ROR2: variants seen among roughly 807,000 people sequenced by gnomAD.
ROR2 encodes the protein tyrosine-protein kinase transmembrane receptor ROR2.
ROR2 carries 33 observed loss-of-function variants against 74.9 expected under a neutral mutation model. The observed-to-expected ratio is 0.44, with a 90% CI of 0.33 to 0.59. ROR2 has a LOEUF of 0.59. Ranked by LOEUF, ROR2 falls within the 20% of genes least tolerant of loss-of-function variation. The probability of loss-of-function intolerance (pLI) is 0.02; values close to 1 mark genes in which losing one functional copy is unlikely to be tolerated. For synonymous variants in ROR2, 586 were observed against 558.7 expected (o/e 1.05, Z -0.69); for missense variants, 1,216 against 1,313.8 (o/e 0.93, Z 1.15).
intron 1 of ROR2, among the ~76,000 whole-genome samples, chr9:91,791,264 T>G (rs1351091609): frequency 6.6e-5 from 10 of 152,222 alleles, no homozygotes; most frequent in African/African-American, 2.4e-4. Context: ...AATACCACTG[T>G]GTTATAATTG....
intron 7 of ROR2, among the ~76,000 whole-genome samples, chr9:91,730,575 C>G (rs772908701): frequency 2.1e-4 from 32 of 152,140 alleles, no homozygotes; most frequent in Non-Finnish European, 3.7e-4. Flanking sequence ...ATTCTCCTGC[C>G]TCAGTCTCTT....
intron 1 of ROR2, among the ~76,000 whole-genome samples, chr9:91,939,995 C>A (rs1831805594): frequency 1.3e-5 from 2 of 152,214 alleles, no homozygotes; most frequent in African/African-American, 4.8e-5. Flanking sequence ...CCAAGAGAGA[C>A]TCAGTGCCAC....
At chr9:91,896,950 T>A (rs1830551932) in intron 1 of ROR2, among the ~76,000 whole-genome samples, 1 of 152,132 alleles carries the variant, frequency 6.6e-6, no homozygotes, top group African/African-American at 2.4e-5. Flanking sequence ...TCTCCCTAAG[T>A]CCTCTCTGCC....
At chr9:91,730,559 C>CA (rs1419017860) in intron 7 of ROR2, among the ~76,000 whole-genome samples, 1 of 152,130 alleles carries the variant, frequency 6.6e-6, no homozygotes, top group Non-Finnish European at 1.5e-5. Context: ...TTCCCAGGCT[C>CA]AAGTGATTCT....
chr9:91,933,954 G>C (rs576623744), intron 1 of ROR2, among the ~76,000 whole-genome samples: 1 of 152,256 alleles, frequency 6.6e-6, no homozygotes, highest in East Asian at 1.9e-4. Flanking sequence ...TGGATTAAAA[G>C]ACATTGAATT....
chr9:91,893,991 T>A (rs1047970317), intron 1 of ROR2, among the ~76,000 whole-genome samples: 6 of 152,236 alleles, frequency 3.9e-5, no homozygotes, highest in African/African-American at 7.2e-5. Context: ...GTGTTTTTTT[T>A]AGCATAAAAC....
At chr9:91,918,562 GAGAGGC>G (rs964583056) in intron 1 of ROR2, among the ~76,000 whole-genome samples, 21 of 152,328 alleles carry the variant, frequency 1.4e-4, no homozygotes, top group Admixed American at 3.3e-4. Flanking sequence ...CGGGCTTAAA[GAGAGGC>G]AGTCTCCTAT....
chr9:91,933,027 AGTG>A (rs1831590620), intron 1 of ROR2, among the ~76,000 whole-genome samples: 1 of 152,212 alleles, frequency 6.6e-6, no homozygotes, highest in Non-Finnish European at 1.5e-5. Flanking sequence ...GGCCAAGCAC[AGTG>A]GCCTATGATT....
intron 1 of ROR2, chr9:91,886,900 T>C (rs902470390): frequency 5.9e-5 from 9 of 152,184 alleles, no homozygotes; most frequent in Admixed American, 5.9e-4. Context: ...CCTAGGGATA[T>C]ATAAATACAG....
At chr9:91,740,154 G>A (rs1471840371) in intron 4 of ROR2, among the ~76,000 whole-genome samples, 1 of 152,144 alleles carries the variant, frequency 6.6e-6, no homozygotes. Flanking sequence ...GAGAGAGCAA[G>A]GGATGTAAGG....
intron 1 of ROR2, among the ~76,000 whole-genome samples, chr9:91,834,067 G>C (rs1828545449): frequency 1.3e-5 from 2 of 152,178 alleles, no homozygotes; most frequent in African/African-American, 4.8e-5. Flanking sequence ...TTTTGTTCCA[G>C]CTGACAAATG....
At chr9:91,742,006 T>C (rs901569855) in intron 4 of ROR2, among the ~76,000 whole-genome samples, 5 of 151,968 alleles carry the variant, frequency 3.3e-5, no homozygotes, top group Non-Finnish European at 7.4e-5. Context: ...GCAGAGCAGG[T>C]TGGATTAGGC....
At chr9:91,776,377 A>C (rs1050692849) in intron 1 of ROR2, among the ~76,000 whole-genome samples, 3 of 152,128 alleles carry the variant, frequency 2.0e-5, no homozygotes, top group Non-Finnish European at 4.4e-5. Context: ...TTCTAGTCCA[A>C]ATTTACCCGT....
At chr9:91,846,133 G>C (rs1312953874) in intron 1 of ROR2, among the ~76,000 whole-genome samples, 1 of 152,190 alleles carries the variant, frequency 6.6e-6, no homozygotes, top group African/African-American at 2.4e-5. Flanking sequence ...TCTCTCTCTG[G>C]ACGACCTTGA....
chr9:91,841,767 G>A (rs1828789416), intron 1 of ROR2, among the ~76,000 whole-genome samples: 2 of 152,176 alleles, frequency 1.3e-5, no homozygotes, highest in South Asian at 4.1e-4. Context: ...CCAGCCTGGT[G>A]GGGTTTGCAC....
At chr9:91,842,096 G>A (rs895612949) in intron 1 of ROR2, among the ~76,000 whole-genome samples, 36 of 152,236 alleles carry the variant, frequency 2.4e-4, no homozygotes, top group African/African-American at 8.7e-4. Context: ...ACCCATGCCT[G>A]CAAAGCAAGT....
At chr9:91,888,871 A>C (rs575138330) in intron 1 of ROR2, among the ~76,000 whole-genome samples, 1 of 151,488 alleles carries the variant, frequency 6.6e-6, no homozygotes, top group African/African-American at 2.4e-5. Context: ...AGCCCACTCT[A>C]GTGTGACAGG....
chr9:91,775,716 A>T, intron 2 of ROR2, 25 bp downstream of exon 2: 1 of 1,609,076 alleles, frequency 6.2e-7, no homozygotes, highest in South Asian at 1.1e-5. Context: ...GAGGACATGG[A>T]GAGCACCTGC....
chr9:91,872,253 A>C (rs1829818690), intron 1 of ROR2, among the ~76,000 whole-genome samples: 1 of 152,206 alleles, frequency 6.6e-6, no homozygotes. Context: ...TGTCAAAAGG[A>C]AAGTTTTCAG....
Sources: gnomAD v4.1 joint callset for allele counts (sites outside exome capture counted in the v4.1 genomes callset) on GRCh38, gnomAD v4.1.1 for gene constraint, MANE v1.5 for transcripts, NCBI Gene and HGNC (gene_info 2026-07-23, HGNC 2026-07-21) for gene names.